UGGT2: variants seen among roughly 807,000 people sequenced by gnomAD.
The protein encoded by UGGT2 is UDP-glucose:glycoprotein glucosyltransferase 2.
UGGT2 carries 180 observed loss-of-function variants against 192.1 expected under a neutral mutation model. The observed-to-expected ratio is 0.94, with a 90% CI of 0.83 to 1.06. The LOEUF is 1.06. Ranked by LOEUF, UGGT2 falls within the 50% of genes least tolerant of loss-of-function variation. UGGT2 has a pLI of 0.00. For missense variants in UGGT2, 1,849 were observed against 1,795.7 expected (o/e 1.03, Z -0.54); for synonymous variants, 580 against 591.0 (o/e 0.98, Z 0.27).
At chr13:95,993,375 C>T (rs58560596) in intron 7 of UGGT2, among the ~76,000 whole-genome samples, 212 of 151,988 alleles carry the variant, frequency 1.4e-3, no homozygotes, top group African/African-American at 4.9e-3. Flanking sequence ...ACGTGTATGC[C>T]TTGAATCTAA....
chr13:95,965,111 G>A (rs2050527553), intron 12 of UGGT2, among the ~76,000 whole-genome samples: 1 of 150,468 alleles, frequency 6.6e-6, no homozygotes. Flanking sequence ...GAGAGGATGT[G>A]GAGAAATAGG....
chr13:95,868,904 C>CT (rs1371194606), intron 29 of UGGT2, among the ~76,000 whole-genome samples: 2 of 151,874 alleles, frequency 1.3e-5, no homozygotes, highest in East Asian at 1.9e-4. Flanking sequence ...ATTTATTATA[C>CT]TTTAAGTTTT....
chr13:95,987,817 G>A (rs575163959), intron 8 of UGGT2, among the ~76,000 whole-genome samples: 38 of 152,110 alleles, frequency 2.5e-4, no homozygotes, highest in Non-Finnish European at 1.3e-4. Flanking sequence ...TCAGAGAAGA[G>A]GACTGCATAC....
chr13:95,980,131 C>T (rs1192214304), intron 10 of UGGT2, among the ~76,000 whole-genome samples: 1 of 152,088 alleles, frequency 6.6e-6, no homozygotes, highest in Non-Finnish European at 1.5e-5. Flanking sequence ...AATCCCACTA[C>T]TAGGTAACTG....
At chr13:95,809,671 G>A in intron 38 of UGGT2, 1 of 188,532 alleles carries the variant, frequency 5.3e-6, no homozygotes, top group Non-Finnish European at 1.2e-5. Context: ...CGCAGCCTCA[G>A]CACACTGAGA....
chr13:95,853,697 A>T (rs1830996541), intron 35 of UGGT2, 40 bp from the exon 36 acceptor site: 1 of 1,446,454 alleles, frequency 6.9e-7, no homozygotes, highest in African/African-American at 1.5e-5. Flanking sequence ...TATGTTGTTT[A>T]TGTAGTTTTA....
chr13:95,830,972 T>G (rs747468504), intron 38 of UGGT2, among the ~76,000 whole-genome samples: 1 of 152,150 alleles, frequency 6.6e-6, no homozygotes, highest in South Asian at 2.1e-4. Flanking sequence ...GTTCATGTCC[T>G]TTGTAGGGAC....
chr13:95,831,642 A>G (rs1029920390), intron 38 of UGGT2, among the ~76,000 whole-genome samples: 30 of 152,172 alleles, frequency 2.0e-4, no homozygotes, highest in African/African-American at 6.5e-4. Flanking sequence ...AAGGGTATAC[A>G]AATTTTAAGT....
intron 20 of UGGT2, among the ~76,000 whole-genome samples, chr13:95,916,781 A>C (rs1014658600): frequency 8.5e-5 from 13 of 152,206 alleles, no homozygotes; most frequent in African/African-American, 3.1e-4. Flanking sequence ...AACCGAACAG[A>C]CCAAGCAGAG....
intron 10 of UGGT2, among the ~76,000 whole-genome samples, chr13:95,974,162 G>A (rs978360021): frequency 6.6e-6 from 1 of 152,196 alleles, no homozygotes; most frequent in Non-Finnish European, 1.5e-5. Context: ...ATTTCTACTT[G>A]TTTTATACAG....
At chr13:95,976,670 C>T (rs2050947379) in intron 10 of UGGT2, among the ~76,000 whole-genome samples, 1 of 152,086 alleles carries the variant, frequency 6.6e-6, no homozygotes, top group Non-Finnish European at 1.5e-5. Context: ...ATCAAGCTAC[C>T]ATCAACTTTC....
chr13:95,819,674 A>G (rs1885294304), intron 38 of UGGT2, among the ~76,000 whole-genome samples: 1 of 152,220 alleles, frequency 6.6e-6, no homozygotes, highest in South Asian at 2.1e-4. Flanking sequence ...AATACAGACA[A>G]TATTATTTGA....
chr13:95,973,798 C>A (rs920312230), intron 10 of UGGT2, among the ~76,000 whole-genome samples: 1 of 152,184 alleles, frequency 6.6e-6, no homozygotes, highest in African/African-American at 2.4e-5. Flanking sequence ...AAGTTCAAAT[C>A]ACTTTCATAA....
At chr13:96,019,105 A>G (rs996290225) in intron 4 of UGGT2, among the ~76,000 whole-genome samples, 5 of 100,970 alleles carry the variant, frequency 5.0e-5, no homozygotes, top group South Asian at 3.6e-4. Context: ...AAAAATTATT[A>G]ACTTTGCCCT....
intron 17 of UGGT2, among the ~76,000 whole-genome samples, chr13:95,929,898 A>G (rs1218568496): frequency 6.6e-6 from 1 of 152,212 alleles, no homozygotes; most frequent in Non-Finnish European, 1.5e-5. Flanking sequence ...TTACATCCCC[A>G]CTAACAGTGT....
At chr13:96,024,102 C>A (rs1335039041) in intron 2 of UGGT2, among the ~76,000 whole-genome samples, 1 of 152,120 alleles carries the variant, frequency 6.6e-6, no homozygotes, top group Admixed American at 6.5e-5. Context: ...AAATTAAGAA[C>A]AGCAGAAAAG....
At chr13:95,803,290 C>T (rs1298175175) in intron 38 of UGGT2, among the ~76,000 whole-genome samples, 1 of 151,606 alleles carries the variant, frequency 6.6e-6, no homozygotes, top group East Asian at 2.0e-4. Context: ...GACGAAGTTT[C>T]ACTCTTGTTG....
intron 38 of UGGT2, among the ~76,000 whole-genome samples, chr13:95,815,422 C>T (rs944698949): frequency 6.6e-6 from 1 of 152,012 alleles, no homozygotes; most frequent in African/African-American, 2.4e-5. Flanking sequence ...GTCCAATATA[C>T]AAAAATTAAT....
chr13:95,869,865 C>T (rs1013802180), intron 29 of UGGT2, among the ~76,000 whole-genome samples: 3 of 151,984 alleles, frequency 2.0e-5, no homozygotes, highest in Admixed American at 2.0e-4. Flanking sequence ...TCAGTAAATG[C>T]CATTTACTTC....
Sources: allele counts gnomAD v4.1 joint callset (sites outside exome capture counted in the v4.1 genomes callset), GRCh38; gene constraint gnomAD v4.1.1; transcripts MANE v1.5; gene names NCBI Gene and HGNC (gene_info 2026-07-23, HGNC 2026-07-21).